GKAP1: variants seen among roughly 807,000 people sequenced by gnomAD.
GKAP1 encodes G kinase anchoring protein 1.
GKAP1 carries 31 observed loss-of-function variants against 56.7 expected under a neutral mutation model. That is an observed-to-expected ratio of 0.55 (90% CI 0.41 to 0.74). The LOEUF (loss-of-function observed/expected upper bound fraction) is 0.74, where lower values mean the gene tolerates loss of function less well. Among genes scored for constraint, GKAP1 ranks in the 30% least tolerant of loss-of-function variants. The pLI is 0.00. For missense variants in GKAP1, 364 were observed against 402.3 expected, an observed-to-expected ratio of 0.90 and a Z score of 0.82; for synonymous variants, 151 against 138.6, an observed-to-expected ratio of 1.09 and a Z score of -0.63.
intron 3 of GKAP1, among the ~76,000 whole-genome samples, chr9:83,806,028 G>A (rs1944434409): frequency 6.6e-6 from 1 of 151,970 alleles, no homozygotes; most frequent in Middle Eastern, 3.2e-3. Flanking sequence ...AAGGTGTGAG[G>A]CTACCTTGAG....
intron 4 of GKAP1, among the ~76,000 whole-genome samples, chr9:83,792,363 T>C (rs1160585877): frequency 1.3e-5 from 2 of 152,108 alleles, no homozygotes; most frequent in Non-Finnish European, 2.9e-5. Flanking sequence ...AAAAGAGGAA[T>C]GCTAATATTA....
At chr9:83,742,749 T>C in intron 10 of GKAP1, 149 bp from the exon 11 acceptor site, 1 of 493,960 alleles carries the variant, frequency 2.0e-6, no homozygotes, top group Non-Finnish European at 3.6e-6. Flanking sequence ...GCATAGCTCT[T>C]ACTTTTCACT....
intron 8 of GKAP1, among the ~76,000 whole-genome samples, chr9:83,755,400 A>G (rs373026176): frequency 8.5e-5 from 13 of 152,200 alleles, no homozygotes; most frequent in East Asian, 7.7e-4. Context: ...CCAAAACTTT[A>G]ACTGTCGTGA....
intron 4 of GKAP1, among the ~76,000 whole-genome samples, chr9:83,796,994 T>TA (rs1944258870): frequency 6.6e-6 from 1 of 152,214 alleles, no homozygotes; most frequent in Non-Finnish European, 1.5e-5. Context: ...CTCCAGACAC[T>TA]AAGTACAATG....
intron 7 of GKAP1, among the ~76,000 whole-genome samples, chr9:83,772,024 A>G (rs1305653426): frequency 6.6e-6 from 1 of 152,132 alleles, no homozygotes; most frequent in Non-Finnish European, 1.5e-5. Context: ...ATTTTTTTCA[A>G]AAGATACTGA....
intron 9 of GKAP1, among the ~76,000 whole-genome samples, chr9:83,751,512 A>AAGGT (rs1486457832): frequency 8.5e-5 from 13 of 152,354 alleles, no homozygotes; most frequent in African/African-American, 3.1e-4. Flanking sequence ...ATGAAAAGCT[A>AAGGT]AGGTAAATGA....
chr9:83,758,996 CTT>C (rs1329586908), intron 8 of GKAP1, among the ~76,000 whole-genome samples: 2 of 152,072 alleles, frequency 1.3e-5, no homozygotes, highest in Non-Finnish European at 2.9e-5. Context: ...CTAAGAAAAA[CTT>C]CTAATTTTTT....
chr9:83,815,773 C>T (rs950888454), intron 2 of GKAP1, among the ~76,000 whole-genome samples: 8 of 151,984 alleles, frequency 5.3e-5, no homozygotes, highest in African/African-American at 9.7e-5. Flanking sequence ...ATTAACTGAG[C>T]GTAATATGAA....
chr9:83,752,932 G>A (rs534125790), intron 9 of GKAP1, among the ~76,000 whole-genome samples: 5 of 151,954 alleles, frequency 3.3e-5, no homozygotes, highest in East Asian at 1.9e-4. Flanking sequence ...TTAGCCGGGC[G>A]TGGTGGCTCA....
intron 8 of GKAP1, among the ~76,000 whole-genome samples, chr9:83,755,126 T>G (rs1943452473): frequency 6.6e-6 from 1 of 152,158 alleles, no homozygotes; most frequent in Admixed American, 6.5e-5. Context: ...ACTATTAAGT[T>G]CTGGAATCTC....
At chr9:83,817,400 G>C (rs1266273215) in intron 1 of GKAP1, 117 bp downstream of exon 1, 1 of 151,776 alleles carries the variant, frequency 6.6e-6, no homozygotes, top group Admixed American at 6.6e-5. Context: ...GTCGCCTCAG[G>C]CCGAGTCCCC....
chr9:83,773,358 G>T (rs1943796161), intron 7 of GKAP1, among the ~76,000 whole-genome samples: 1 of 152,148 alleles, frequency 6.6e-6, no homozygotes, highest in African/African-American at 2.4e-5. Flanking sequence ...GGTTGCCAGG[G>T]GCTGAAGGTG....
At chr9:83,805,498 TTAAA>T in intron 3 of GKAP1, among the ~76,000 whole-genome samples, 1 of 152,118 alleles carries the variant, frequency 6.6e-6, no homozygotes, top group Middle Eastern at 3.4e-3. Context: ...AACCATGTAA[TTAAA>T]TATTGTAAAC....
At chr9:83,745,747 A>C (rs1442328471) in intron 10 of GKAP1, among the ~76,000 whole-genome samples, 1 of 152,136 alleles carries the variant, frequency 6.6e-6, no homozygotes, top group Non-Finnish European at 1.5e-5. Flanking sequence ...GGTCTAAATT[A>C]ATCTCAGGAT....
intron 3 of GKAP1, among the ~76,000 whole-genome samples, chr9:83,804,095 G>A (rs1256925956): frequency 7.3e-5 from 11 of 150,422 alleles, no homozygotes; most frequent in African/African-American, 1.5e-4. Flanking sequence ...GTCTCCGCCC[G>A]GCAGCCGCCC....
chr9:83,810,305 C>T (rs543066640), intron 2 of GKAP1, among the ~76,000 whole-genome samples: 6 of 152,218 alleles, frequency 3.9e-5, no homozygotes, highest in African/African-American at 1.4e-4. Flanking sequence ...ATTTAAAAGT[C>T]TAGATCAGGA....
chr9:83,774,773 G>A (rs149310512), intron 7 of GKAP1, among the ~76,000 whole-genome samples: 28 of 136,492 alleles, frequency 2.1e-4, no homozygotes, highest in African/African-American at 7.7e-4. Flanking sequence ...GCAGCAGTGC[G>A]ATCTCGACTC....
At chr9:83,771,422 G>A (rs1051520828) in intron 7 of GKAP1, among the ~76,000 whole-genome samples, 3 of 151,992 alleles carry the variant, frequency 2.0e-5, no homozygotes, top group East Asian at 3.8e-4. Flanking sequence ...TTGTATCTGT[G>A]GGCAAACGAC....
At chr9:83,770,098 T>G (rs773013916) in intron 7 of GKAP1, among the ~76,000 whole-genome samples, 3 of 152,332 alleles carry the variant, frequency 2.0e-5, no homozygotes, top group Admixed American at 2.0e-4. Flanking sequence ...ATTCTAAATG[T>G]CTATATCTTA....
Sources: allele counts gnomAD v4.1 joint callset (sites outside exome capture counted in the v4.1 genomes callset), GRCh38; gene constraint gnomAD v4.1.1; transcripts MANE v1.5; gene names NCBI Gene and HGNC (gene_info 2026-07-23, HGNC 2026-07-21).